Variants in ZPBP observed in about 807,000 individuals in gnomAD.
The protein encoded by ZPBP is zona pellucida-binding protein 1.
In ZPBP, 26 loss-of-function variants were observed where a neutral mutation model predicts 44.8. The observed-to-expected ratio is 0.58, with a 90% CI of 0.43 to 0.81. The LOEUF is 0.81. ZPBP is among the 30% of genes least tolerant of loss of function. The probability of loss-of-function intolerance (pLI) is 0.00; values close to 1 mark genes in which losing one functional copy is unlikely to be tolerated. For missense variants in ZPBP, 409 were observed against 434.0 expected (o/e 0.94, Z 0.51); for synonymous variants, 174 against 153.2 (o/e 1.14, Z -1.00).
At chr7:49,977,067 A>G (rs1335874259) in intron 7 of ZPBP, among the ~76,000 whole-genome samples, 5 of 147,060 alleles carry the variant, frequency 3.4e-5, no homozygotes, top group Non-Finnish European at 5.9e-5. Flanking sequence ...CCGCCACTGC[A>G]CTCCAGCCTG....
chr7:49,937,485 T>C lies in ZPBP; in HGVS notation c.*43A>G, dbSNP rs762017784. ...TTATTATGTTAATATTTCAAATATATACTTTGCATTTAATAAACCACTGAA... is the reference window on the plus strand; with the variant it reads ...TTATTATGTTAATATTTCAAATATACACTTTGCATTTAATAAACCACTGAA... On this transcript the variant is annotated 3_prime_UTR_variant, in exon 8 of 8. Coordinates refer to ENST00000046087, the MANE Select transcript of ZPBP (RefSeq NM_007009.3). The C allele has an allele frequency of 1.1e-5, 15 of 1,364,288 alleles. No homozygotes were observed. The highest frequency in any genetic ancestry group is 8.4e-5 in the Admixed American group (5 of 59,554). 84.5% of individuals were successfully genotyped at this position (1,364,288 alleles called of 1,614,324 possible).
At chr7:50,060,531 T>C (rs1801190180) in intron 3 of ZPBP, among the ~76,000 whole-genome samples, 1 of 152,076 alleles carries the variant, frequency 6.6e-6, no homozygotes, top group Non-Finnish European at 1.5e-5. Flanking sequence ...CTATTACAAA[T>C]ATGTCCATGC....
intron 3 of ZPBP, among the ~76,000 whole-genome samples, chr7:50,074,607 G>A (rs1562609452): frequency 6.6e-6 from 1 of 151,812 alleles, no homozygotes; most frequent in Non-Finnish European, 1.5e-5. Context: ...GCAAAAAAGA[G>A]TGGCAATTGC....
At chr7:50,069,575 CAA>C (rs1801727637) in intron 3 of ZPBP, among the ~76,000 whole-genome samples, 2 of 152,206 alleles carry the variant, frequency 1.3e-5, no homozygotes, top group South Asian at 2.1e-4. Context: ...CCATCTAACA[CAA>C]AGAGGGCTAC....
intron 6 of ZPBP, among the ~76,000 whole-genome samples, chr7:49,995,544 A>G (rs1480984031): frequency 6.6e-6 from 1 of 152,222 alleles, no homozygotes; most frequent in Admixed American, 6.5e-5. Flanking sequence ...GCACAGGCCA[A>G]ATAGGAGAGA....
At chr7:49,919,201 A>G (rs1163354748) in intron 1 of ZPBP, 1 of 152,164 alleles carries the variant, frequency 6.6e-6, no homozygotes, top group African/African-American at 2.4e-5. Flanking sequence ...AGTCTTACTG[A>G]ATCGATTTAT....
At chr7:49,937,940 GA>G (rs1449323703) in intron 7 of ZPBP, among the ~76,000 whole-genome samples, 1 of 152,126 alleles carries the variant, frequency 6.6e-6, no homozygotes, top group African/African-American at 2.4e-5. Flanking sequence ...GTGAAACCTG[GA>G]TCCCTTGCAT....
intron 2 of ZPBP, among the ~76,000 whole-genome samples, chr7:49,895,899 T>C (rs1003112132): frequency 5.3e-5 from 8 of 152,282 alleles, no homozygotes; most frequent in African/African-American, 1.9e-4. Flanking sequence ...AATAGTAGAA[T>C]CCATTTGTAT....
chr7:49,990,615 T>A (rs899223981), intron 6 of ZPBP, among the ~76,000 whole-genome samples: 1 of 104,658 alleles, frequency 9.6e-6, no homozygotes, highest in Non-Finnish European at 1.8e-5. Context: ...GGATTAAGTA[T>A]ATATGGGGGG....
At chr7:49,931,399 A>G (rs568806096) in intron 1 of ZPBP, among the ~76,000 whole-genome samples, 3 of 152,344 alleles carry the variant, frequency 2.0e-5, no homozygotes, top group Admixed American at 2.0e-4. Flanking sequence ...TCTGATAGCA[A>G]TATGGACAAT....
At chr7:50,087,866 T>C (rs1802747519) in intron 2 of ZPBP, among the ~76,000 whole-genome samples, 1 of 152,026 alleles carries the variant, frequency 6.6e-6, no homozygotes, top group Non-Finnish European at 1.5e-5. Context: ...CTAAAATTGA[T>C]CTACAGATTC....
Position 49,877,484 on chromosome 7 carries a change from AT to A in ZPBP, n.509+23633del, listed in dbSNP as rs1562747791. On this transcript the variant is annotated intron_variant and non_coding_transcript_variant, in intron 2 of 2. Transcript: ENST00000465922. ...TCTCAAAAAAAAAAAAAAAAAAAAT[AT>A]ATATATATATATATATATATATATA... Among the ~76,000 whole-genome samples the A allele has an allele frequency of 6.5e-3, 174 of 26,574 alleles. 37 individuals are homozygous for A. Among genetic ancestry groups the A allele is most frequent in the East Asian group, 0.023 (16 of 686 alleles). The allele number at this position is 26,574 out of a possible 152,430, so 17.4% of individuals were successfully genotyped here. A position where few individuals can be genotyped will look rare whatever the true frequency, so the allele number is the denominator to read the frequency against.
At chr7:50,031,016 G>T in intron 5 of ZPBP, 76 bp downstream of exon 5, 1 of 1,248,080 alleles carries the variant, frequency 8.0e-7, no homozygotes, top group Non-Finnish European at 1.2e-6. Context: ...TAAAAATGCT[G>T]TGAGTAATTA....
At chr7:49,980,156 ATAT>A (rs1583965199) in intron 7 of ZPBP, among the ~76,000 whole-genome samples, 2 of 114,884 alleles carry the variant, frequency 1.7e-5, no homozygotes, top group East Asian at 2.3e-4. Context: ...TTATAATTAT[ATAT>A]TATATTATAA....
Position 50,093,201 on chromosome 7 carries a change from G to A in ZPBP, c.-7C>T, listed in dbSNP as rs929798679. 2.0e-6 allele frequency: 3 copies of A among 1,515,048 alleles called. No individual in the cohort carries two copies. Among genetic ancestry groups the A allele is most frequent in the African/African-American group, 2.9e-5 (2 of 69,646 alleles). The allele number at this position is 1,515,048 out of a possible 1,614,324, so 93.9% of individuals were successfully genotyped here. A position where few individuals can be genotyped will look rare whatever the true frequency, so the allele number is the denominator to read the frequency against. On this transcript the variant is annotated 5_prime_UTR_variant, in exon 1 of 8. Transcript: ENST00000046087. ...CAAGGGCGAAGGCCTCCATCCACAC[G>A]CCGCCGTCGCCTGCCCACCGTCCGC...
chr7:49,914,125 G>C (rs115891443), intron 1 of ZPBP: 2 of 152,192 alleles, frequency 1.3e-5, no homozygotes, highest in African/African-American at 4.8e-5. Context: ...GTTATTTAAA[G>C]TTGTCGTTTT....
intron 7 of ZPBP, among the ~76,000 whole-genome samples, chr7:49,959,229 T>C (rs1795741663): frequency 6.8e-6 from 1 of 148,042 alleles, no homozygotes; most frequent in South Asian, 2.1e-4. Flanking sequence ...TATTTAACAC[T>C]GTACTAGAGG....
intron 6 of ZPBP, among the ~76,000 whole-genome samples, chr7:50,016,551 G>C (rs1320499470): frequency 1.3e-5 from 2 of 151,906 alleles, no homozygotes; most frequent in East Asian, 3.8e-4. Flanking sequence ...GAATGTAAAA[G>C]AAAAAAGAAT....
intron 7 of ZPBP, among the ~76,000 whole-genome samples, chr7:49,962,967 C>G (rs959848342): frequency 6.6e-6 from 1 of 150,980 alleles, no homozygotes; most frequent in African/African-American, 2.4e-5. Context: ...GAAGACAGAG[C>G]ACATAGAGAG....
Sources: allele counts gnomAD v4.1 joint callset (sites outside exome capture counted in the v4.1 genomes callset), GRCh38; gene constraint gnomAD v4.1.1; transcripts MANE v1.5; gene names NCBI Gene and HGNC (gene_info 2026-07-23, HGNC 2026-07-21).